SHISA9: variants seen among roughly 807,000 people sequenced by gnomAD.
SHISA9 encodes shisa family member 9.
Under a neutral mutation model 38.0 loss-of-function variants are expected in SHISA9, and 13 were observed. That is an observed-to-expected ratio of 0.34 (90% CI 0.22 to 0.54). SHISA9 has a LOEUF of 0.54. SHISA9 is among the 20% of genes least tolerant of loss of function. SHISA9 has a pLI of 0.91. For synonymous variants in SHISA9, 275 were observed against 242.0 expected, an observed-to-expected ratio of 1.14 and a Z score of -1.27; for missense variants, 538 against 575.8, an observed-to-expected ratio of 0.93 and a Z score of 0.67.
chr16:12,953,399 G>A (rs1179789049), intron 2 of SHISA9, among the ~76,000 whole-genome samples: 1 of 152,188 alleles, frequency 6.6e-6, no homozygotes, highest in East Asian at 1.9e-4. Flanking sequence ...CTGAGGCACA[G>A]AAAGATGAAG....
chr16:12,943,113 G>C lies in SHISA9; in HGVS notation c.691+26298G>C, dbSNP rs921596409. 5.3e-5 allele frequency among the ~76,000 whole-genome samples: 8 copies of C among 152,166 alleles called. 1 individual carries two copies. The South Asian group carries it at 8.3e-4, about 16-fold the overall frequency. The stretch of plus-strand genomic sequence containing the variant: ...AAACCCTTGGAAAGTCCATGATTGG[G>C]CTATGATAGGTCGCATGCCCATTCC... On this transcript the variant is annotated intron_variant, in intron 2 of 4. Coordinates refer to ENST00000558583, the MANE Select transcript of SHISA9 (RefSeq NM_001145204.3).
the SHISA9 span, among the ~76,000 whole-genome samples, chr16:13,456,925 T>G: frequency 4.6e-5 from 7 of 152,258 alleles, no homozygotes; most frequent in African/African-American, 1.7e-4. Context: ...AACTTCAGGT[T>G]TGGAACTTTT....
At chr16:12,930,943 G>C (rs920880236) in intron 2 of SHISA9, among the ~76,000 whole-genome samples, 11 of 152,114 alleles carry the variant, frequency 7.2e-5, no homozygotes, top group African/African-American at 2.4e-4. Context: ...GCTTATTTGT[G>C]GTTAAAATCA....
chr16:12,925,571 A>G (rs898840792), intron 2 of SHISA9, among the ~76,000 whole-genome samples: 25 of 152,198 alleles, frequency 1.6e-4, no homozygotes, highest in Non-Finnish European at 2.8e-4. Flanking sequence ...TGCTGGCCAC[A>G]TGGCATAGCC....
the SHISA9 span, among the ~76,000 whole-genome samples, chr16:13,275,458 TTATAA>T: frequency 6.6e-6 from 1 of 152,252 alleles, no homozygotes. Flanking sequence ...TTTTTTGTGA[TTATAA>T]TATATTATCA....
the SHISA9 span, among the ~76,000 whole-genome samples, chr16:13,549,291 A>G: frequency 6.6e-6 from 1 of 152,212 alleles, no homozygotes; most frequent in African/African-American, 2.4e-5. Context: ...CTGGTGTGCT[A>G]TTGCACAGTA....
the SHISA9 span, among the ~76,000 whole-genome samples, chr16:13,275,239 T>C: frequency 6.6e-6 from 1 of 152,142 alleles, no homozygotes; most frequent in African/African-American, 2.4e-5. Context: ...TTTTAGATCT[T>C]TTCTATGCAT....
chr16:13,158,972 A>G (rs1031175652), intron 2 of SHISA9, among the ~76,000 whole-genome samples: 1 of 151,648 alleles, frequency 6.6e-6, no homozygotes, highest in South Asian at 2.1e-4. Context: ...AGGCAGGAGA[A>G]TCACTTGAAC....
the SHISA9 span, among the ~76,000 whole-genome samples, chr16:13,313,268 A>AACAAAAAG: frequency 6.6e-6 from 1 of 151,646 alleles, no homozygotes; most frequent in African/African-American, 2.4e-5. Context: ...AAAAAAAAAA[A>AACAAAAAG]AAAACCCAGT....
At chr16:13,159,095 A>C (rs2050573844) in intron 2 of SHISA9, among the ~76,000 whole-genome samples, 1 of 151,822 alleles carries the variant, frequency 6.6e-6, no homozygotes, top group Non-Finnish European at 1.5e-5. Flanking sequence ...CAAACAACAA[A>C]AGAAAACCCA....
chr16:13,312,248 C>G, the SHISA9 span, among the ~76,000 whole-genome samples: 6 of 152,282 alleles, frequency 3.9e-5, no homozygotes, highest in Admixed American at 3.9e-4. Flanking sequence ...TGGGTGTGGT[C>G]TTGTTTCAAT....
chr16:13,405,189 A>T, the SHISA9 span, among the ~76,000 whole-genome samples: 2 of 152,218 alleles, frequency 1.3e-5, no homozygotes, highest in African/African-American at 4.8e-5. Context: ...CAATAATTGC[A>T]ATGAAATCTG....
chr16:13,074,451 A>T (rs1473677221), intron 2 of SHISA9, among the ~76,000 whole-genome samples: 1 of 152,076 alleles, frequency 6.6e-6, no homozygotes, highest in Non-Finnish European at 1.5e-5. Flanking sequence ...TTTTTTTAAT[A>T]GGCTTTTAAT....
intron 2 of SHISA9, among the ~76,000 whole-genome samples, chr16:13,145,600 A>G (rs2050440657): frequency 6.6e-6 from 1 of 152,208 alleles, no homozygotes; most frequent in African/African-American, 2.4e-5. Flanking sequence ...GTCCTAGATT[A>G]CTTAGCTTGC....
intron 2 of SHISA9, among the ~76,000 whole-genome samples, chr16:12,935,624 G>T (rs1462727306): frequency 6.6e-6 from 1 of 152,098 alleles, no homozygotes; most frequent in Non-Finnish European, 1.5e-5. Flanking sequence ...GAGGCAGGTG[G>T]ATCACTTGAG....
chr16:13,318,396 C>G, the SHISA9 span, among the ~76,000 whole-genome samples: 1 of 152,072 alleles, frequency 6.6e-6, no homozygotes, highest in African/African-American at 2.4e-5. Flanking sequence ...GATCTCGGCT[C>G]ACTGCAACCT....
intron 2 of SHISA9, among the ~76,000 whole-genome samples, chr16:13,093,779 C>T (rs1269222748): frequency 6.6e-6 from 1 of 152,144 alleles, no homozygotes; most frequent in African/African-American, 2.4e-5. Flanking sequence ...TGAGAAGGGC[C>T]TCTCTAAGTA....
the SHISA9 span, among the ~76,000 whole-genome samples, chr16:13,480,050 A>C: frequency 6.6e-6 from 1 of 152,136 alleles, no homozygotes; most frequent in Non-Finnish European, 1.5e-5. Context: ...GAAAAATGGG[A>C]TCTCATAGCT....
At chr16:13,039,439 A>G (rs138162199) in intron 2 of SHISA9, among the ~76,000 whole-genome samples, 3 of 150,104 alleles carry the variant, frequency 2.0e-5, no homozygotes, top group African/African-American at 7.3e-5. Context: ...CCCCAGCTTC[A>G]TTATTTGCAA....
Sources: gnomAD v4.1 joint callset for allele counts (sites outside exome capture counted in the v4.1 genomes callset) on GRCh38, gnomAD v4.1.1 for gene constraint, MANE v1.5 for transcripts, NCBI Gene and HGNC (gene_info 2026-07-23, HGNC 2026-07-21) for gene names.